Variants in CNTNAP3 observed in about 807,000 individuals in gnomAD.
CNTNAP3 encodes contactin associated protein family member 3.
Under a neutral mutation model 92.1 loss-of-function variants are expected in CNTNAP3, and 36 were observed. That is an observed-to-expected ratio of 0.39 (90% CI 0.30 to 0.52). The LOEUF is 0.52. CNTNAP3 is among the 20% of genes least tolerant of loss of function. The probability of loss-of-function intolerance (pLI) is 0.76; values close to 1 mark genes in which losing one functional copy is unlikely to be tolerated. For missense variants in CNTNAP3, 534 were observed against 1,069.6 expected (o/e 0.50, Z 6.98); for synonymous variants, 232 against 422.3 (o/e 0.55, Z 5.53).
rs1351452029 is a variant in CNTNAP3, at chr9:39,065,536, A to T, written c.*8354T>A. ...GGTTTCATGTATGCTTAATTATATA[A>T]AACAATGTTAAACAATTTTTCCTAA... On this transcript the variant is annotated 3_prime_UTR_variant, in exon 24 of 24. Coordinates refer to ENST00000297668, the MANE Select transcript of CNTNAP3 (RefSeq NM_033655.5). 1.2e-4 allele frequency among the ~76,000 whole-genome samples: 18 copies of T among 151,774 alleles called. No individual in the cohort carries two copies. Among genetic ancestry groups the T allele is most frequent in the Admixed American group, 4.6e-4 (7 of 15,270 alleles).
Position 39,098,955 on chromosome 9 carries a change from T to G in CNTNAP3, c.2995+956A>C, listed in dbSNP as rs80272487. On this transcript the variant is annotated intron_variant, in intron 18 of 23. Transcript: ENST00000297668. The stretch of plus-strand genomic sequence containing the variant: ...CAGTACAGAGTACTTAATACTAAAA[T>G]CAGTCCCTTTTTCCTTTTCTTTTTT... Among the ~76,000 whole-genome samples the G allele has an allele frequency of 9.8e-3, 1,469 of 150,506 alleles. 37 individuals carry two copies. The highest frequency in any genetic ancestry group is 0.056 in the Admixed American group (843 of 15,126).
chr9:39,137,958 C>G (rs1277406936), intron 12 of CNTNAP3, among the ~76,000 whole-genome samples: 2 of 151,888 alleles, frequency 1.3e-5, no homozygotes, highest in African/African-American at 4.8e-5. Flanking sequence ...CTCCCAGGCT[C>G]AAGCGATCCT....
Position 39,151,288 on chromosome 9 carries a change from C to T in CNTNAP3, c.1478-1311G>A, listed in dbSNP as rs1821836858. On this transcript the variant is annotated intron_variant, in intron 9 of 23. Coordinates refer to ENST00000297668, the MANE Select transcript of CNTNAP3 (RefSeq NM_033655.5). ...TACAAAGCAGGGCTGGGCGCGGTGG[C>T]TCATGCCTGTAAACCCAGCACTTTG... Among the ~76,000 whole-genome samples the T allele has an allele frequency of 1.4e-5, 2 of 145,994 alleles. 1 individual carries two copies. The highest frequency in any genetic ancestry group is 5.2e-5 in the African/African-American group (2 of 38,600).
intron 11 of CNTNAP3, among the ~76,000 whole-genome samples, chr9:39,141,289 T>C (rs532591568): frequency 1.3e-5 from 2 of 152,198 alleles, no homozygotes; most frequent in East Asian, 3.8e-4. Flanking sequence ...TCTGGTATTT[T>C]CCCATAAGCA....
intron 23 of CNTNAP3, among the ~76,000 whole-genome samples, chr9:39,074,905 A>C (rs1825715363): frequency 6.6e-6 from 1 of 152,284 alleles, no homozygotes; most frequent in Non-Finnish European, 1.5e-5. Flanking sequence ...AGTAGCTGGG[A>C]CTACAGGCAC....
intron 13 of CNTNAP3, among the ~76,000 whole-genome samples, chr9:39,122,560 G>A (rs1192730366): frequency 1.3e-5 from 2 of 152,164 alleles, no homozygotes; most frequent in Non-Finnish European, 1.5e-5. Flanking sequence ...AATAACCTTA[G>A]AGGAAATTTT....
At chr9:39,090,084 C>T (rs1369647730) in intron 18 of CNTNAP3, among the ~76,000 whole-genome samples, 22 of 151,846 alleles carry the variant, frequency 1.4e-4, no homozygotes, top group African/African-American at 4.8e-4. Context: ...GGACTACAGG[C>T]GCCCGCCACT....
rs2778125 is a variant in CNTNAP3, at chr9:39,152,695, G to A, written c.1478-2718C>T. 9.9e-3 allele frequency among the ~76,000 whole-genome samples: 1,420 copies of A among 144,116 alleles called. 82 individuals carry two copies. The highest frequency in any genetic ancestry group is 0.015 in the Non-Finnish European group (985 of 66,286). 94.5% of individuals were successfully genotyped at this position (144,116 alleles called of 152,430 possible). ...TTTGAGACCTGAGTCTCGTGCTGTC[G>A]CCTAGGCTGCAGTGCAGTGGTGTGA... On this transcript the variant is annotated intron_variant, in intron 9 of 23. Transcript: ENST00000297668.
chr9:39,124,920 C>G (rs556779391), intron 13 of CNTNAP3, among the ~76,000 whole-genome samples: 1 of 152,026 alleles, frequency 6.6e-6, no homozygotes, highest in East Asian at 1.9e-4. Context: ...GGACTGTAAA[C>G]TAGTTCAACC....
intron 21 of CNTNAP3, among the ~76,000 whole-genome samples, chr9:39,079,491 A>G (rs1379544794): frequency 6.6e-6 from 1 of 151,682 alleles, no homozygotes; most frequent in African/African-American, 2.4e-5. Flanking sequence ...GTAGTGCTGC[A>G]TTTCTTAAAT....
At chr9:39,127,984 G>T (rs979334122) in intron 13 of CNTNAP3, among the ~76,000 whole-genome samples, 5 of 152,036 alleles carry the variant, frequency 3.3e-5, no homozygotes, top group Admixed American at 3.3e-4. Flanking sequence ...GATTATAGGT[G>T]TGCGCCACCA....
chr9:39,074,554 G>A (rs1363049854), intron 23 of CNTNAP3, among the ~76,000 whole-genome samples: 2 of 151,708 alleles, frequency 1.3e-5, no homozygotes, highest in African/African-American at 2.4e-5. Flanking sequence ...ACAGGTATAT[G>A]ATGATTGGGT....
At chr9:39,086,968 C>G in intron 19 of CNTNAP3, 119 bp from the exon 20 acceptor site, 1 of 805,366 alleles carries the variant, frequency 1.2e-6, no homozygotes, top group Middle Eastern at 3.7e-4. Context: ...TATTTAGCAT[C>G]AATTTAGATG....
At chr9:39,153,790 C>T (rs1246412340) in intron 9 of CNTNAP3, among the ~76,000 whole-genome samples, 1 of 122,078 alleles carries the variant, frequency 8.2e-6, no homozygotes, top group Non-Finnish European at 1.7e-5. Flanking sequence ...AATTACTAAC[C>T]TCAGATGATC....
chr9:39,162,844 C>T (rs531062139), intron 9 of CNTNAP3, among the ~76,000 whole-genome samples: 6 of 146,236 alleles, frequency 4.1e-5, no homozygotes, highest in South Asian at 2.1e-4. Flanking sequence ...GGGTGAAGAT[C>T]GAAAAACTAC....
chr9:39,149,598 C>T (rs1394364116), intron 10 of CNTNAP3, among the ~76,000 whole-genome samples: 1 of 151,726 alleles, frequency 6.6e-6, no homozygotes, highest in Non-Finnish European at 1.5e-5. Flanking sequence ...TCTCGTGATC[C>T]GCCAGCCTCA....
At chr9:39,120,288 G>A (rs977087334) in intron 13 of CNTNAP3, among the ~76,000 whole-genome samples, 12 of 152,124 alleles carry the variant, frequency 7.9e-5, no homozygotes, top group African/African-American at 2.9e-4. Flanking sequence ...GAACCAGAAG[G>A]AATGGCATAT....
At position 39,067,568 on chromosome 9, in the gene CNTNAP3, T is replaced by C. The variant is rs1366572910; in HGVS notation, c.*6322A>G. Among the ~76,000 whole-genome samples, 6 of 152,396 alleles carry C rather than the reference T, an allele frequency of 3.9e-5. No individual in the cohort carries two copies. Among genetic ancestry groups the C allele is most frequent in the African/African-American group, 1.4e-4 (6 of 41,578 alleles). Reference sequence around the variant, plus strand: ...GCCCAACACCACGCCCGGCTAATTTTTGTATGTTTAGTAGAGACGGGGTTT... The same window carrying C: ...GCCCAACACCACGCCCGGCTAATTTCTGTATGTTTAGTAGAGACGGGGTTT... On this transcript the variant is annotated 3_prime_UTR_variant, in exon 24 of 24. Transcript: ENST00000297668.
At chr9:39,136,048 G>C (rs1024082825) in intron 12 of CNTNAP3, among the ~76,000 whole-genome samples, 1 of 151,762 alleles carries the variant, frequency 6.6e-6, no homozygotes, top group Non-Finnish European at 1.5e-5. Context: ...AGAATCGCTT[G>C]AACCTGGGAG....
Sources: gnomAD v4.1 joint callset for allele counts (sites outside exome capture counted in the v4.1 genomes callset) on GRCh38, gnomAD v4.1.1 for gene constraint, MANE v1.5 for transcripts, NCBI Gene and HGNC (gene_info 2026-07-23, HGNC 2026-07-21) for gene names.